The following PFKM variants were observed in gnomAD, a reference collection of about 807,000 sequenced individuals.
The protein encoded by PFKM is phosphofructokinase, muscle.
PFKM carries 58 observed loss-of-function variants against 95.5 expected under a neutral mutation model. The ratio of observed to expected loss-of-function variants is 0.61; its 90% CI spans 0.49 to 0.76. The LOEUF is 0.76. Among genes scored for constraint, PFKM ranks in the 30% least tolerant of loss-of-function variants. The probability of loss-of-function intolerance (pLI) is 0.00; values close to 1 mark genes in which losing one functional copy is unlikely to be tolerated. For synonymous variants in PFKM, 336 were observed against 357.2 expected (o/e 0.94, Z 0.67); for missense variants, 678 against 1,005.4 (o/e 0.67, Z 4.40).
rs1592831027 is a variant in PFKM, at chr12:48,145,393, TTTAA to T, written c.2198+81_2198+84del. Reference sequence around the variant, plus strand: ...TACTGTCCTCAACCTGTTCACTGTCTTTAATTCTTTTTTTTTTTTAAGGAGTAAC... The same window carrying T: ...TACTGTCCTCAACCTGTTCACTGTCTTTCTTTTTTTTTTTTAAGGAGTAAC... On this transcript the variant is annotated intron_variant, in intron 22 of 22. Coordinates refer to ENST00000359794, the MANE Select transcript of PFKM (RefSeq NM_000289.6). The surrounding 1 kb of genome is among the most constrained non-coding windows in gnomAD (Gnocchi z 4.3). The T allele has an allele frequency of 5.1e-6, 7 of 1,369,758 alleles. No homozygotes were observed. The highest frequency in any genetic ancestry group is 1.8e-5 in the Admixed American group (1 of 55,132). The allele number at this position is 1,369,758 out of a possible 1,614,324, so 84.9% of individuals were successfully genotyped here.
intron 7 of PFKM, 86 bp from the exon 8 acceptor site, chr12:48,134,635 A>G (rs564923371): frequency 6.0e-6 from 6 of 997,348 alleles, no homozygotes; most frequent in Middle Eastern, 2.7e-4. Flanking sequence ...TTTATCAACT[A>G]TGAGGACTAG....
chr12:48,130,472 CT>C (rs1263596247), intron 3 of PFKM, 36 bp downstream of exon 3: 4 of 1,466,174 alleles, frequency 2.7e-6, no homozygotes, highest in Non-Finnish European at 3.8e-6. Flanking sequence ...CATTCTTTCT[CT>C]GTCTTCTTCT....
intron 6 of PFKM, 94 bp from the exon 7 acceptor site, chr12:48,134,138 A>G: frequency 1.0e-6 from 1 of 998,054 alleles, no homozygotes; most frequent in Non-Finnish European, 1.6e-6. Context: ...GCATACATGT[A>G]TCTCCCAGAG....
Position 48,133,475 on chromosome 12 carries a change from C to T in PFKM, c.588C>T (p.Ala196=). The T allele has an allele frequency of 6.2e-7, 1 of 1,613,554 alleles. No homozygotes were observed. ...TTGTAGATGCCATCACTACCACTGC[C>T]CAGAGGTAAGGGGACTTGGGAGGTA... is the stretch of plus-strand genomic sequence containing the variant. ...MEIVDAITTT[A]QSHQRTFVLE... Residue 196 remains alanine (A), a synonymous_variant, in exon 6 of 23, where the codon GCC becomes GCT. Coordinates refer to ENST00000359794, the MANE Select transcript of PFKM (RefSeq NM_000289.6).
chr12:48,106,669 C>G (rs1387039335), intron 1 of PFKM: 1 of 159,608 alleles, frequency 6.3e-6, no homozygotes, highest in African/African-American at 2.4e-5. Flanking sequence ...CAATCCTGTA[C>G]TCTGCACCAC....
At chr12:48,109,813 C>T (rs1947027975) in intron 3 of PFKM, among the ~76,000 whole-genome samples, 1 of 152,140 alleles carries the variant, frequency 6.6e-6, no homozygotes, top group African/African-American at 2.4e-5. Flanking sequence ...GCCTACCTCC[C>T]TGCTTCCTTC....
chr12:48,118,425 G>C (rs1441949380), upstream of PFKM: 1 of 859,430 alleles, frequency 1.2e-6, no homozygotes, highest in Non-Finnish European at 1.9e-6. Context: ...CTTTTATTTT[G>C]TGTAGTCAAA....
At chr12:48,122,496 C>A in intron 1 of PFKM, 1 of 1,032,370 alleles carries the variant, frequency 9.7e-7, no homozygotes, top group South Asian at 2.1e-5. Context: ...TAGTTTATTC[C>A]CCAAATAGGT....
At chr12:48,119,331 T>C, upstream of PFKM, 1 of 984,172 alleles carries the variant, frequency 1.0e-6, no homozygotes, top group Non-Finnish European at 1.2e-6. Flanking sequence ...CTCCCCATGT[T>C]CGTCCATCAC....
At chr12:48,123,304 A>C (rs887277282) in intron 2 of PFKM, among the ~76,000 whole-genome samples, 2 of 152,186 alleles carry the variant, frequency 1.3e-5, no homozygotes, top group Non-Finnish European at 2.9e-5. Flanking sequence ...GCACTGACCA[A>C]GGTCAGTCAG....
At chr12:48,137,991 C>T in intron 11 of PFKM, 145 bp downstream of exon 11, 1 of 866,632 alleles carries the variant, frequency 1.2e-6, no homozygotes, top group Non-Finnish European at 1.9e-6. Context: ...GGGGAAAGAA[C>T]ACAGTGGGCT....
chr12:48,137,576 A>G, intron 10 of PFKM, 145 bp from the exon 11 acceptor site: 1 of 878,520 alleles, frequency 1.1e-6, no homozygotes, highest in Non-Finnish European at 1.9e-6. Context: ...TGGGGAGGTA[A>G]AGCCCAGTAA....
Position 48,144,832 on chromosome 12 carries a change from A to G in PFKM, c.1993-199A>G, listed in dbSNP as rs41291969. Among the ~76,000 whole-genome samples the G allele has an allele frequency of 0.06, 9,079 of 152,162 alleles. 362 individuals carry two copies. Among genetic ancestry groups the G allele is most frequent in the Non-Finnish European group, 0.082 (5,575 of 67,980 alleles). On this transcript the variant is annotated intron_variant, in intron 20 of 22. Coordinates refer to ENST00000359794, the MANE Select transcript of PFKM (RefSeq NM_000289.6). ...CTTTAATTAGTTGTTATTATATCTG[A>G]TACATGGCCAAATTTGCTGGGCCAG... is the stretch of plus-strand genomic sequence containing the variant.
intron 18 of PFKM, among the ~76,000 whole-genome samples, chr12:48,143,310 G>T (rs1950738351): frequency 6.6e-6 from 1 of 152,184 alleles, no homozygotes. Context: ...TTAAGTGGTT[G>T]AGAAAGTCAG....
intron 17 of PFKM, chr12:48,142,345 C>T (rs530184876): frequency 3.7e-5 from 17 of 459,682 alleles, no homozygotes; most frequent in Non-Finnish European, 5.6e-5. Flanking sequence ...TGGTGGTAGG[C>T]GCCTGTAATC....
chr12:48,133,118 C>G, intron 5 of PFKM, 61 bp downstream of exon 5: 1 of 1,489,218 alleles, frequency 6.7e-7, no homozygotes, highest in Non-Finnish European at 9.4e-7. Flanking sequence ...CGTGTACACA[C>G]ACACATCGCC....
chr12:48,144,038 C>G lies in PFKM; in HGVS notation c.1881-8C>G. 6.3e-7 allele frequency: 1 copy of G among 1,596,674 alleles called. No homozygotes were observed. ...CAGAGTCACAGGCTTTTGGTCTCCACCTGGCAGGAATGAAAAGTGCAATGA... is the reference window on the plus strand; with the variant it reads ...CAGAGTCACAGGCTTTTGGTCTCCAGCTGGCAGGAATGAAAAGTGCAATGA... On this transcript the variant is annotated splice_polypyrimidine_tract_variant and splice_region_variant and intron_variant, in intron 19 of 22. Coordinates refer to ENST00000359794, the MANE Select transcript of PFKM (RefSeq NM_000289.6).
chr12:48,137,644 G>C (rs982683196), intron 10 of PFKM, 77 bp from the exon 11 acceptor site: 3 of 1,570,376 alleles, frequency 1.9e-6, no homozygotes, highest in Admixed American at 1.7e-5. Flanking sequence ...AAAAGGGCTC[G>C]AGTATCCTGA....
At chr12:48,142,125 G>A (rs1417168791) in intron 17 of PFKM, 59 bp downstream of exon 17, 1 of 1,503,542 alleles carries the variant, frequency 6.7e-7, no homozygotes, top group Non-Finnish European at 9.3e-7. Flanking sequence ...CTTAAACTGA[G>A]TGTGGTCCCA....
Sources: gnomAD v4.1 joint callset for allele counts (sites outside exome capture counted in the v4.1 genomes callset) on GRCh38, gnomAD v4.1.1 for gene constraint, Gnocchi (gnomAD v3.1) non-coding constraint, MANE v1.5 for transcripts, NCBI Gene and HGNC (gene_info 2026-07-23, HGNC 2026-07-21) for gene names.